The following PID1 variants were observed in gnomAD, a reference collection of about 807,000 sequenced individuals.
PID1 encodes the protein PTB-containing, cubilin and LRP1-interacting protein.
A neutral mutation model predicts 19.1 loss-of-function variants in PID1; 10 were observed. That is an observed-to-expected ratio of 0.52 (90% CI 0.32 to 0.89). PID1 has a LOEUF of 0.89. PID1 is among the 40% of genes least tolerant of loss of function. PID1 has a pLI of 0.03. For missense variants in PID1, 248 were observed against 285.3 expected (o/e 0.87, Z 0.94); for synonymous variants, 130 against 116.0 (o/e 1.12, Z -0.78).
At chr2:229,202,059 T>C (rs1691509680) in intron 1 of PID1, among the ~76,000 whole-genome samples, 1 of 152,168 alleles carries the variant, frequency 6.6e-6, no homozygotes, top group Admixed American at 6.6e-5. Context: ...TTAAATTGTG[T>C]TTTTAAAATA....
chr2:229,059,559 T>C (rs1694169566), intron 2 of PID1, among the ~76,000 whole-genome samples: 1 of 152,210 alleles, frequency 6.6e-6, no homozygotes. Context: ...CACCATGGCT[T>C]GAACCCAAAA....
intron 1 of PID1, among the ~76,000 whole-genome samples, chr2:229,198,557 C>A (rs577699353): frequency 1.3e-5 from 2 of 152,002 alleles, no homozygotes; most frequent in Non-Finnish European, 2.9e-5. Flanking sequence ...ATTGATATGT[C>A]CCATATGGAA....
At chr2:229,217,067 G>T (rs541570705) in intron 1 of PID1, among the ~76,000 whole-genome samples, 2 of 152,126 alleles carry the variant, frequency 1.3e-5, no homozygotes, top group Non-Finnish European at 2.9e-5. Flanking sequence ...CACATTCAAG[G>T]CTGCTGGAAT....
At chr2:229,177,878 A>G (rs1281313428) in intron 1 of PID1, among the ~76,000 whole-genome samples, 1 of 152,204 alleles carries the variant, frequency 6.6e-6, no homozygotes, top group East Asian at 1.9e-4. Flanking sequence ...ACCCATTTAC[A>G]GTGGTCAAAA....
At chr2:229,211,950 G>A (rs1256249935) in intron 1 of PID1, among the ~76,000 whole-genome samples, 1 of 152,182 alleles carries the variant, frequency 6.6e-6, no homozygotes, top group Non-Finnish European at 1.5e-5. Flanking sequence ...GAAAGTAATT[G>A]CATCTTTCTC....
chr2:229,074,905 T>C (rs916803700), intron 2 of PID1, among the ~76,000 whole-genome samples: 2 of 152,220 alleles, frequency 1.3e-5, no homozygotes, highest in Non-Finnish European at 2.9e-5. Flanking sequence ...ATATTACATA[T>C]TTTTTCTCTC....
At chr2:229,217,890 A>T (rs145327435) in intron 1 of PID1, among the ~76,000 whole-genome samples, 6 of 152,228 alleles carry the variant, frequency 3.9e-5, no homozygotes, top group African/African-American at 1.4e-4. Flanking sequence ...CAAACCAGTC[A>T]ATTTCTAACA....
chr2:229,163,309 T>C (rs1690526505), intron 1 of PID1, among the ~76,000 whole-genome samples: 1 of 152,188 alleles, frequency 6.6e-6, no homozygotes, highest in Non-Finnish European at 1.5e-5. Context: ...GGCATTTATC[T>C]TCTTGTTACA....
chr2:229,223,274 T>C (rs1692011370), intron 1 of PID1, among the ~76,000 whole-genome samples: 1 of 152,178 alleles, frequency 6.6e-6, no homozygotes, highest in African/African-American at 2.4e-5. Flanking sequence ...ATATGCAAAA[T>C]GCTATCTCAT....
At chr2:229,237,396 A>G (rs754217452) in intron 1 of PID1, among the ~76,000 whole-genome samples, 1 of 152,224 alleles carries the variant, frequency 6.6e-6, no homozygotes, top group African/African-American at 2.4e-5. Context: ...CAGTCATTCA[A>G]GCGTATCCCC....
chr2:229,261,152 A>G (rs1356127260), intron 1 of PID1, among the ~76,000 whole-genome samples: 1 of 152,184 alleles, frequency 6.6e-6, no homozygotes, highest in Admixed American at 6.5e-5. Flanking sequence ...ACCAGCAGCT[A>G]GGAGAAAGCC....
intron 2 of PID1, among the ~76,000 whole-genome samples, chr2:229,037,437 T>G (rs1693686808): frequency 6.6e-6 from 1 of 152,292 alleles, no homozygotes; most frequent in Admixed American, 6.5e-5. Flanking sequence ...GTATTAGAAC[T>G]TAGTTCCAAT....
At position 229,201,947 on chromosome 2, in the gene PID1, A is replaced by G. The variant is rs1359196976; in HGVS notation, c.31-45983T>C. On this transcript the variant is annotated intron_variant, in intron 1 of 2. Transcript: ENST00000392055. ...GAAGATAAAAATTCTTCATGTCTCA[A>G]CCAGCCAAAGCCACATTCCTATGGC... Among the ~76,000 whole-genome samples the G allele has an allele frequency of 8.6e-5, 13 of 152,028 alleles. No homozygotes were observed. In the East Asian group the frequency reaches 2.5e-3, roughly 29 times the overall value.
intron 1 of PID1, among the ~76,000 whole-genome samples, chr2:229,236,779 T>C (rs1253864334): frequency 6.6e-6 from 1 of 152,008 alleles, no homozygotes; most frequent in Non-Finnish European, 1.5e-5. Flanking sequence ...AGAAGACAGA[T>C]AAAGCCACAG....
chr2:229,240,809 A>G (rs575757678), intron 1 of PID1, among the ~76,000 whole-genome samples: 118 of 152,230 alleles, frequency 7.8e-4, no homozygotes, highest in Non-Finnish European at 1.4e-3. Context: ...TTCATGTGCC[A>G]GTCTTTTTCT....
At position 229,057,454 on chromosome 2, in the gene PID1, TAAA is replaced by T. The variant is rs33998510; in HGVS notation, c.178-31349_178-31347del. Among the ~76,000 whole-genome samples, 103 of 119,932 alleles carry T rather than the reference TAAA, an allele frequency of 8.6e-4. No individual in the cohort carries two copies. In the East Asian group the frequency reaches 0.017, roughly 20 times the overall value. 78.7% of individuals were successfully genotyped at this position (119,932 alleles called of 152,430 possible). ...CTGAGCGACAGGGCCAAACTCTGTC[TAAA>T]AAAAAAAAAAAAAACCTACTAATTT... On this transcript the variant is annotated intron_variant, in intron 2 of 2. Transcript: ENST00000392055.
intron 2 of PID1, among the ~76,000 whole-genome samples, chr2:229,114,117 C>CTCTCTCTCTCTCTCTT (rs1695358708): frequency 7.2e-6 from 1 of 138,606 alleles, no homozygotes; most frequent in Admixed American, 7.0e-5. Context: ...CTCTCTTTCT[C>CTCTCTCTCTCTCTCTT]TCTCTCTCTC....
rs114173080 is a variant in PID1, at chr2:229,202,125, A to G, written c.31-46161T>C. Among the ~76,000 whole-genome samples, 590 of 152,208 alleles carry G rather than the reference A, an allele frequency of 3.9e-3. 4 individuals carry two copies. The highest frequency in any genetic ancestry group is 0.014 in the African/African-American group (566 of 41,542). On this transcript the variant is annotated intron_variant, in intron 1 of 2. Transcript: ENST00000392055. Reference sequence around the variant, plus strand: ...AAAACTCTCACAATTCTGGGAATCAATTGTCAAACATTTCTTAAAGAGAAA... The same window carrying G: ...AAAACTCTCACAATTCTGGGAATCAGTTGTCAAACATTTCTTAAAGAGAAA...
chr2:229,044,690 C>T (rs6436825), intron 2 of PID1, among the ~76,000 whole-genome samples: 61,958 of 151,532 alleles, frequency 0.41, 12,762 homozygotes, highest in East Asian at 0.61. Flanking sequence ...TCGCTCTGCC[C>T]CTTGGACTCA....
Sources: gnomAD v4.1 joint callset for allele counts (sites outside exome capture counted in the v4.1 genomes callset) on GRCh38, gnomAD v4.1.1 for gene constraint, MANE v1.5 for transcripts, NCBI Gene and HGNC (gene_info 2026-07-23, HGNC 2026-07-21) for gene names.